Variants in SNRNP25 observed in about 807,000 individuals in gnomAD.
SNRNP25 encodes small nuclear ribonucleoprotein U11/U12 subunit 25.
A neutral mutation model predicts 23.9 loss-of-function variants in SNRNP25; 21 were observed. The ratio of observed to expected loss-of-function variants is 0.88; its 90% CI spans 0.62 to 1.27. The LOEUF (loss-of-function observed/expected upper bound fraction) is 1.27. Ranked by LOEUF, SNRNP25 falls within the 50% of genes most tolerant of loss-of-function variation. SNRNP25 has a pLI of 0.00. For synonymous variants in SNRNP25, 63 were observed against 60.4 expected (o/e 1.04, Z -0.20); for missense variants, 160 against 156.9 (o/e 1.02, Z -0.11).
At position 57,283 on chromosome 16, in the gene SNRNP25, A is replaced by G; in HGVS notation, c.*140A>G. ...CCAGGCATGCCCAACAGTAACTGTC[A>G]GCATAAACCTGGGGGCCCTCAGGAC... On this transcript the variant is annotated 3_prime_UTR_variant, in exon 5 of 5. Coordinates refer to ENST00000293861, the MANE Select transcript of SNRNP25 (RefSeq NM_024571.4). The G allele has an allele frequency of 2.3e-6, 2 of 864,166 alleles. No individual in the cohort carries two copies. Among genetic ancestry groups the G allele is most frequent in the South Asian group, 1.5e-5 (1 of 68,244 alleles). 53.5% of individuals were successfully genotyped at this position (864,166 alleles called of 1,614,324 possible).
intron 1 of SNRNP25, 111 bp from the exon 2 acceptor site, chr16:55,348 C>T (rs1458457173): frequency 5.6e-6 from 5 of 887,006 alleles, no homozygotes; most frequent in Non-Finnish European, 9.3e-6. Context: ...CCCTTCCTTG[C>T]CCTTCGTAAA....
rs1266092678 is a variant in SNRNP25 at position 57,112 on chromosome 16, T to G, written c.341T>G (p.Val114Gly). ...RDYGIRNRDE[V>G]SFIKKLRQK ...TACGGCATCCGGAATCGAGACGAGG[T>G]TTCCTTCATCAAAAAGCTGAGGCAA... Residue 114 changes from valine (V) to glycine (G), a missense_variant, in exon 5 of 5, where the codon GTT becomes GGT. By Grantham distance (109) the Val-to-Gly change is moderately radical. Coordinates refer to ENST00000293861, the MANE Select transcript of SNRNP25 (RefSeq NM_024571.4). 1 of 1,614,024 alleles carries G rather than the reference T, an allele frequency of 6.2e-7. No individual in the cohort carries two copies. Among genetic ancestry groups the G allele is most frequent in the South Asian group, 1.1e-5 (1 of 91,080 alleles).
In SNRNP25 at chr16:53,897, G is replaced by A. The variant is rs1216006020; in HGVS notation, c.-120G>A. 20 of 1,511,254 alleles carry A rather than the reference G, an allele frequency of 1.3e-5. No individual in the cohort carries two copies. The highest frequency in any genetic ancestry group is 1.7e-5 in the Non-Finnish European group (19 of 1,115,840). The allele number at this position is 1,511,254 out of a possible 1,614,324, so 93.6% of individuals were successfully genotyped here. On this transcript the variant is annotated 5_prime_UTR_variant, in exon 1 of 5. Coordinates refer to ENST00000293861, the MANE Select transcript of SNRNP25 (RefSeq NM_024571.4). Reference sequence around the variant, plus strand: ...CAGTGCGGGCAGAGCCCGGCTGAGAGGGGCGGCCCTGGAGGAGACGGAGGC... The same window carrying A: ...CAGTGCGGGCAGAGCCCGGCTGAGAAGGGCGGCCCTGGAGGAGACGGAGGC...
Position 57,225 on chromosome 16 carries a change from C to A in SNRNP25, c.*82C>A. 6.9e-7 allele frequency: 1 copy of A among 1,459,764 alleles called. No individual in the cohort carries two copies. Among genetic ancestry groups the A allele is most frequent in the Non-Finnish European group, 9.6e-7 (1 of 1,041,542 alleles). The allele number at this position is 1,459,764 out of a possible 1,614,324, so 90.4% of individuals were successfully genotyped here. On this transcript the variant is annotated 3_prime_UTR_variant, in exon 5 of 5. Coordinates refer to ENST00000293861, the MANE Select transcript of SNRNP25 (RefSeq NM_024571.4). ...AATGGGTCCTCGAATCATCGTGCCTCTTTCACAGAAAGGACGTTGTGGTGG... is the reference window on the plus strand; with the variant it reads ...AATGGGTCCTCGAATCATCGTGCCTATTTCACAGAAAGGACGTTGTGGTGG...
chr16:54,698 G>A (rs145367778), intron 1 of SNRNP25, among the ~76,000 whole-genome samples: 1 of 152,168 alleles, frequency 6.6e-6, no homozygotes, highest in African/African-American at 2.4e-5. Flanking sequence ...TCATGCTTTG[G>A]GACGATACTG....
rs746738557 is a variant in SNRNP25, at chr16:54,021, T to G, written c.5T>G (p.Val2Gly). Residue 2 changes from valine to glycine, a missense_variant, in exon 1 of 5, where the codon GTG becomes GGG. Transcript: ENST00000293861. MVVQDPLLCDLP... is the reference protein window; with the variant it reads MGVQDPLLCDLP... ...GTGTTCCAGGAGGGTCTGGCTATGG[T>G]GGTGCAGGACCCGCTGCTCTGCGAT... 1 of 1,609,628 alleles carries G rather than the reference T, an allele frequency of 6.2e-7. No homozygotes were observed. Among genetic ancestry groups the G allele is most frequent in the Non-Finnish European group, 8.5e-7 (1 of 1,179,040 alleles).
In SNRNP25 at chr16:57,075, T is replaced by C. The variant is rs1201424485; in HGVS notation, c.315-11T>C. 6.2e-7 allele frequency: 1 copy of C among 1,614,046 alleles called. No individual in the cohort carries two copies. The highest frequency in any genetic ancestry group is 8.5e-7 in the Non-Finnish European group (1 of 1,180,022). ...TAGGGCAGGTGCTTTATGCCTTTCC[T>C]TCTTTTTCAGCTACGGCATCCGGAA... On this transcript the variant is annotated splice_polypyrimidine_tract_variant and intron_variant, in intron 4 of 4. Coordinates refer to ENST00000293861, the MANE Select transcript of SNRNP25 (RefSeq NM_024571.4).
In SNRNP25 at chr16:55,354, G is replaced by A. The variant is rs143692057; in HGVS notation, c.43-105G>A. The A allele has an allele frequency of 1.3e-3, 1,317 of 986,944 alleles. 8 individuals are homozygous for A. The African/African-American group carries it at 0.018, about 14-fold the overall frequency. The allele number at this position is 986,944 out of a possible 1,614,324, so 61.1% of individuals were successfully genotyped here. On this transcript the variant is annotated intron_variant, in intron 1 of 4. Coordinates refer to ENST00000293861, the MANE Select transcript of SNRNP25 (RefSeq NM_024571.4). Reference sequence around the variant, plus strand: ...AGGCAACCACCCTTCCTTGCCCTTCGTAAAATGGAGCACCACTTTTTGGCC... The same window carrying A: ...AGGCAACCACCCTTCCTTGCCCTTCATAAAATGGAGCACCACTTTTTGGCC...
chr16:54,923 G>A (rs765126395), intron 1 of SNRNP25: 10 of 154,206 alleles, frequency 6.5e-5, no homozygotes, highest in Non-Finnish European at 1.3e-4. Flanking sequence ...CTCATGATCC[G>A]CCCGCCTCGG....
intron 3 of SNRNP25, chr16:56,320 G>T: frequency 1.4e-6 from 1 of 712,890 alleles, no homozygotes; most frequent in South Asian, 1.5e-5. Context: ...TGTTGCATTA[G>T]CAAGGTTTGT....
Position 57,096 on chromosome 16 carries a change from C to T in SNRNP25, c.325C>T (p.Arg109Trp), listed in dbSNP as rs575567453. 1.7e-5 allele frequency: 28 copies of T among 1,613,970 alleles called. No individual in the cohort carries two copies. Among genetic ancestry groups the T allele is most frequent in the East Asian group, 4.5e-5 (2 of 44,898 alleles). Residue 109 changes from arginine (R) to tryptophan (W), a missense_variant, in exon 5 of 5, where the codon CGG becomes TGG. Physicochemically the swap from Arg to Trp is moderately radical, Grantham distance 101. Transcript: ENST00000293861. The part of the protein sequence containing the change: ...DRKKLRDYGI[R>W]NRDEVSFIKK... ...TTCCTTCTTTTTCAGCTACGGCATC[C>T]GGAATCGAGACGAGGTTTCCTTCAT...
In SNRNP25 at chr16:56,623, G is replaced by A. The variant is rs756858364; in HGVS notation, c.314+10G>A. The stretch of plus-strand genomic sequence containing the variant: ...GAAAGAAGCTCCGAGAGTAAGTGCC[G>A]GCCACGTCCTGAGCCGTAGGGCACC... On this transcript the variant is annotated intron_variant, in intron 4 of 4. Coordinates refer to ENST00000293861, the MANE Select transcript of SNRNP25 (RefSeq NM_024571.4). 8.7e-6 allele frequency: 14 copies of A among 1,613,646 alleles called. No homozygotes were observed. Among genetic ancestry groups the A allele is most frequent in the Middle Eastern group, 1.7e-4 (1 of 6,058 alleles).
rs900028585 is a variant in SNRNP25, at chr16:57,384, C to G, written c.*241C>G. 4 of 573,228 alleles carry G rather than the reference C, an allele frequency of 7.0e-6. No individual in the cohort carries two copies. The highest frequency in any genetic ancestry group is 1.9e-5 in the African/African-American group (1 of 53,560). The allele number at this position is 573,228 out of a possible 1,614,324, so 35.5% of individuals were successfully genotyped here. On this transcript the variant is annotated 3_prime_UTR_variant, in exon 5 of 5. Transcript: ENST00000293861. Reference sequence around the variant, plus strand: ...TGACCTCTCCCTAGGTCCAAATGCCCTAGTCACATGGCAGACCCACGGCCT... The same window carrying G: ...TGACCTCTCCCTAGGTCCAAATGCCGTAGTCACATGGCAGACCCACGGCCT...
chr16:55,389 T>C, intron 1 of SNRNP25, 70 bp from the exon 2 acceptor site: 5 of 1,433,392 alleles, frequency 3.5e-6, no homozygotes, highest in Non-Finnish European at 4.9e-6. Context: ...CACTATCGGC[T>C]TGTTCTTTGT....
At chr16:55,185 C>G (rs763736275) in intron 1 of SNRNP25, 15 of 410,666 alleles carry the variant, frequency 3.7e-5, no homozygotes, top group Non-Finnish European at 6.4e-5. Flanking sequence ...TCTACCCACC[C>G]CTGGGGGCAG....
Position 55,666 on chromosome 16 carries a change from C to T in SNRNP25, c.134-111C>T. The stretch of plus-strand genomic sequence containing the variant: ...CAGGCCATGCCCAGGGGTACTGGGG[C>T]AACCACAAACCTGCCCTGTGCACAG... On this transcript the variant is annotated intron_variant, in intron 2 of 4. Coordinates refer to ENST00000293861, the MANE Select transcript of SNRNP25 (RefSeq NM_024571.4). 9 of 1,526,824 alleles carry T rather than the reference C, an allele frequency of 5.9e-6. No homozygotes were observed. The South Asian group carries it at 1.0e-4, about 17-fold the overall frequency. The allele number at this position is 1,526,824 out of a possible 1,614,324, so 94.6% of individuals were successfully genotyped here.
intron 1 of SNRNP25, among the ~76,000 whole-genome samples, 179 bp downstream of exon 1, chr16:54,237 A>C (rs1897378807): frequency 6.6e-6 from 1 of 152,222 alleles, no homozygotes; most frequent in Admixed American, 6.5e-5. Flanking sequence ...CGCGAAGCTT[A>C]AAGAGGAACC....
In SNRNP25 at chr16:57,023, G is replaced by A. The variant is rs112464328; in HGVS notation, c.315-63G>A. On this transcript the variant is annotated intron_variant, in intron 4 of 4. Transcript: ENST00000293861. ...TCTTCGTGGTCCTCCACAGCCTCAG[G>A]AGGGGAGTCACAGATATGTCCTTCT... is the stretch of plus-strand genomic sequence containing the variant. 1.0e-4 allele frequency: 160 copies of A among 1,571,694 alleles called. No homozygotes were observed. The African/African-American group carries it at 1.9e-3, about 19-fold the overall frequency.
chr16:56,445 C>A (rs1897409800), intron 3 of SNRNP25, 94 bp from the exon 4 acceptor site: 1 of 1,160,596 alleles, frequency 8.6e-7, no homozygotes, highest in Non-Finnish European at 1.3e-6. Flanking sequence ...TGCCCCAGGT[C>A]CCATAGGACT....
Sources: allele counts gnomAD v4.1 joint callset (sites outside exome capture counted in the v4.1 genomes callset), GRCh38; gene constraint gnomAD v4.1.1; transcripts MANE v1.5; gene names NCBI Gene and HGNC (gene_info 2026-07-23, HGNC 2026-07-21).